The following NLGN1 variants were observed in gnomAD, a reference collection of about 807,000 sequenced individuals.
The protein encoded by NLGN1 is neuroligin 1.
A neutral mutation model predicts 65.5 loss-of-function variants in NLGN1; 12 were observed. The ratio of observed to expected loss-of-function variants is 0.18; its 90% CI spans 0.12 to 0.30. NLGN1 has a LOEUF of 0.30. Ranked by LOEUF, NLGN1 falls within the 10% of genes least tolerant of loss-of-function variation. NLGN1 has a pLI of 1.00. For synonymous variants in NLGN1, 350 were observed against 359.5 expected (o/e 0.97, Z 0.30); for missense variants, 750 against 1,007.1 (o/e 0.74, Z 3.46).
intron 2 of NLGN1, among the ~76,000 whole-genome samples, chr3:173,510,258 A>G (rs1481725880): frequency 6.6e-6 from 1 of 152,192 alleles, no homozygotes; most frequent in East Asian, 1.9e-4. Context: ...ATTCAATGTG[A>G]TGATTGATAT....
rs561437988 is a variant in NLGN1 at position 173,742,221 on chromosome 3, A to C, written c.494-65459A>C. 3.3e-5 allele frequency among the ~76,000 whole-genome samples: 5 copies of C among 152,248 alleles called. No individual in the cohort carries two copies. The East Asian group carries it at 9.7e-4, about 29-fold the overall frequency. The stretch of plus-strand genomic sequence containing the variant: ...CTGCAGGCAGTTTTATTTTGAAACT[A>C]AAACTCATGGAATTATCAAGAAGGA... On this transcript the variant is annotated intron_variant, in intron 3 of 6. Transcript: ENST00000457714.
intron 4 of NLGN1, among the ~76,000 whole-genome samples, chr3:173,849,980 TTTAA>T (rs1325265555): frequency 1.3e-5 from 2 of 152,146 alleles, no homozygotes; most frequent in African/African-American, 2.4e-5. Context: ...TTGTATTTTC[TTTAA>T]TTATATTTAT....
intron 3 of NLGN1, among the ~76,000 whole-genome samples, chr3:173,737,922 ATCTG>A (rs1403713542): frequency 6.6e-5 from 10 of 152,106 alleles, no homozygotes; most frequent in Non-Finnish European, 1.0e-4. Flanking sequence ...ACACTTGCTT[ATCTG>A]TCTGTTTTAT....
At chr3:173,758,525 T>C (rs1029160836) in intron 3 of NLGN1, among the ~76,000 whole-genome samples, 2 of 152,060 alleles carry the variant, frequency 1.3e-5, no homozygotes, top group Admixed American at 6.6e-5. Flanking sequence ...GCTAATATAT[T>C]ATCTACAGTA....
intron 4 of NLGN1, among the ~76,000 whole-genome samples, chr3:174,266,403 G>T (rs995486045): frequency 2.0e-5 from 3 of 152,014 alleles, no homozygotes; most frequent in Admixed American, 6.6e-5. Context: ...CTTTTTTATG[G>T]CTGCATATAT....
chr3:174,091,282 G>A (rs1314570318), intron 4 of NLGN1, among the ~76,000 whole-genome samples: 4 of 152,110 alleles, frequency 2.6e-5, no homozygotes, highest in East Asian at 1.9e-4. Flanking sequence ...ACCATCAGGC[G>A]GTTTCTATAT....
intron 3 of NLGN1, among the ~76,000 whole-genome samples, chr3:173,638,701 C>A (rs1374592013): frequency 1.3e-5 from 2 of 152,066 alleles, no homozygotes; most frequent in Admixed American, 1.3e-4. Context: ...GAGATGGAAT[C>A]TCTATGAGGG....
chr3:174,290,102 G>A (rs759988078), downstream of NLGN1, among the ~76,000 whole-genome samples: 8 of 150,186 alleles, frequency 5.3e-5, no homozygotes, highest in Admixed American at 2.0e-4. Flanking sequence ...TTAAATTCAC[G>A]GCTATTCCAA....
At position 173,786,526 on chromosome 3, in the gene NLGN1, G is replaced by A. The variant is rs541305274; in HGVS notation, c.494-21154G>A. Among the ~76,000 whole-genome samples, 6 of 151,952 alleles carry A rather than the reference G, an allele frequency of 3.9e-5. No individual in the cohort carries two copies. In the East Asian group the frequency reaches 1.2e-3, roughly 30 times the overall value. The stretch of plus-strand genomic sequence containing the variant: ...TTTAGGTGACTCGCAAAGGAGAAGT[G>A]AACCCATGTATCATATGTGTGTAAT... On this transcript the variant is annotated intron_variant, in intron 3 of 6. Coordinates refer to ENST00000457714, the Ensembl canonical transcript of NLGN1.
intron 2 of NLGN1, among the ~76,000 whole-genome samples, chr3:173,494,385 G>C (rs910131155): frequency 2.0e-5 from 3 of 151,000 alleles, no homozygotes; most frequent in African/African-American, 4.9e-5. Flanking sequence ...ATTTGTTTTA[G>C]TGGTTATCTT....
chr3:173,752,055 C>G (rs1776379529), intron 3 of NLGN1, among the ~76,000 whole-genome samples: 1 of 152,054 alleles, frequency 6.6e-6, no homozygotes, highest in African/African-American at 2.4e-5. Flanking sequence ...ATTGTGAACT[C>G]TTTACCAGGC....
At chr3:174,026,401 C>G (rs532373232) in intron 4 of NLGN1, among the ~76,000 whole-genome samples, 31 of 152,162 alleles carry the variant, frequency 2.0e-4, no homozygotes, top group Non-Finnish European at 3.8e-4. Flanking sequence ...TTTGGGCTTA[C>G]AGTCATGAAC....
chr3:174,162,600 T>G (rs962336609), intron 4 of NLGN1, among the ~76,000 whole-genome samples: 1 of 151,952 alleles, frequency 6.6e-6, no homozygotes, highest in Non-Finnish European at 1.5e-5. Flanking sequence ...TATTCATTAT[T>G]CATTATATAT....
intron 4 of NLGN1, among the ~76,000 whole-genome samples, chr3:174,189,199 T>A (rs1731938726): frequency 6.6e-6 from 1 of 152,000 alleles, no homozygotes; most frequent in South Asian, 2.1e-4. Context: ...CTAAACAATT[T>A]CTAGCTAAAT....
At chr3:174,241,849 G>A (rs1467011751) in intron 4 of NLGN1, among the ~76,000 whole-genome samples, 2 of 151,874 alleles carry the variant, frequency 1.3e-5, no homozygotes, top group Admixed American at 6.6e-5. Flanking sequence ...TAGTAGAGAC[G>A]GGGTTTCACC....
At chr3:174,252,836 A>C (rs965497558) in intron 4 of NLGN1, among the ~76,000 whole-genome samples, 2 of 152,164 alleles carry the variant, frequency 1.3e-5, no homozygotes. Flanking sequence ...CATTTTCCAC[A>C]TACTGTCTCC....
Position 173,430,514 on chromosome 3 carries a change from C to T in NLGN1, c.-389-4496C>T, listed in dbSNP as rs1716980423. Reference sequence around the variant, plus strand: ...TCACAGAAGTGAAGCTGTTATCTTACTGCGTCCTATCAGGTGGCTCTTGAT... The same window carrying T: ...TCACAGAAGTGAAGCTGTTATCTTATTGCGTCCTATCAGGTGGCTCTTGAT... On this transcript the variant is annotated intron_variant, in intron 1 of 6. Transcript: ENST00000457714. Among the ~76,000 whole-genome samples the T allele has an allele frequency of 2.6e-5, 4 of 152,162 alleles. No homozygotes were observed. The South Asian group carries it at 8.3e-4, about 32-fold the overall frequency.
At chr3:174,086,066 A>G (rs1455542781) in intron 4 of NLGN1, among the ~76,000 whole-genome samples, 1 of 151,898 alleles carries the variant, frequency 6.6e-6, no homozygotes, top group Non-Finnish European at 1.5e-5. Context: ...ACAAAAACGT[A>G]TATATGAAAG....
chr3:174,033,016 C>A (rs1200411536), intron 4 of NLGN1, among the ~76,000 whole-genome samples: 2 of 151,794 alleles, frequency 1.3e-5, no homozygotes, highest in East Asian at 1.9e-4. Flanking sequence ...ATATATAGAT[C>A]TATATCTATG....
Sources: allele counts gnomAD v4.1 joint callset (sites outside exome capture counted in the v4.1 genomes callset), GRCh38; gene constraint gnomAD v4.1.1; transcripts MANE v1.5; gene names NCBI Gene and HGNC (gene_info 2026-07-23, HGNC 2026-07-21).